Variants in RBFOX1 observed in about 807,000 individuals in gnomAD.
The protein encoded by RBFOX1 is RNA binding protein fox-1 homolog 1.
In RBFOX1, 8 loss-of-function variants were observed where a neutral mutation model predicts 57.7. The observed-to-expected ratio is 0.14, with a 90% CI of 0.08 to 0.25. The LOEUF (loss-of-function observed/expected upper bound fraction) is 0.25. Ranked by LOEUF, RBFOX1 falls within the 10% of genes least tolerant of loss-of-function variation. The pLI is 1.00. For missense variants in RBFOX1, 611 were observed against 548.5 expected (o/e 1.11, Z -1.14); for synonymous variants, 326 against 222.4 (o/e 1.47, Z -4.15).
chr16:5,474,872 A>C lies in RBFOX1; in HGVS notation c.258+7618A>C, dbSNP rs549903344. 1.4e-3 allele frequency among the ~76,000 whole-genome samples: 211 copies of C among 152,358 alleles called. 1 individual carries two copies. The highest frequency in any genetic ancestry group is 4.6e-3 in the African/African-American group (192 of 41,580). The stretch of plus-strand genomic sequence containing the variant: ...TCTGAGCCCATGCTATTTGACTCAC[A>C]AAGGCTATTTATTGACTAGCATTGG... On this transcript the variant is annotated intron_variant, in intron 2 of 2. Transcript: ENST00000585867.
At chr16:6,114,396 CAATG>C (rs1404045624) in intron 1 of RBFOX1, among the ~76,000 whole-genome samples, 4 of 152,174 alleles carry the variant, frequency 2.6e-5, no homozygotes, top group Admixed American at 6.5e-5. Flanking sequence ...AAATTGAAGA[CAATG>C]AGAAAATTCT....
intron 3 of RBFOX1, among the ~76,000 whole-genome samples, chr16:6,673,544 T>C (rs555131516): frequency 6.6e-6 from 1 of 152,256 alleles, no homozygotes; most frequent in East Asian, 1.9e-4. Context: ...GTGGAGGTTG[T>C]AGTGAGCCTA....
At chr16:6,877,072 TG>T (rs1435823351) in intron 3 of RBFOX1, among the ~76,000 whole-genome samples, 1 of 152,224 alleles carries the variant, frequency 6.6e-6, no homozygotes, top group Non-Finnish European at 1.5e-5. Flanking sequence ...GCTTCATAAC[TG>T]GCCATTTACT....
intron 2 of RBFOX1, among the ~76,000 whole-genome samples, chr16:5,502,025 C>CTATTATTATTAT (rs58333271): frequency 2.2e-4 from 33 of 150,278 alleles, no homozygotes; most frequent in African/African-American, 7.9e-4. Context: ...GCCCAGCTCA[C>CTATTATTATTAT]TATTATTATT....
intron 5 of RBFOX1, among the ~76,000 whole-genome samples, chr16:7,542,519 G>A (rs2083223904): frequency 6.6e-6 from 1 of 151,752 alleles, no homozygotes; most frequent in Non-Finnish European, 1.5e-5. Flanking sequence ...AAGACATGAA[G>A]GGCGAAGGAA....
At chr16:7,281,400 G>A (rs1333328984) in intron 4 of RBFOX1, among the ~76,000 whole-genome samples, 1 of 151,798 alleles carries the variant, frequency 6.6e-6, no homozygotes, top group Non-Finnish European at 1.5e-5. Flanking sequence ...AGAGCCAGGT[G>A]ACTTTGTGCA....
At chr16:7,550,951 G>A (rs751276108) in intron 5 of RBFOX1, among the ~76,000 whole-genome samples, 4 of 151,680 alleles carry the variant, frequency 2.6e-5, no homozygotes, top group African/African-American at 4.8e-5. Context: ...AAAATTAGCC[G>A]GGCATGGTGG....
intron 3 of RBFOX1, among the ~76,000 whole-genome samples, chr16:5,864,380 G>A (rs183004606): frequency 1.3e-5 from 2 of 151,058 alleles, no homozygotes; most frequent in Non-Finnish European, 3.0e-5. Context: ...TTCAGGAAAA[G>A]AGAAAGTTGC....
chr16:5,263,679 C>A (rs773396180), intron 1 of RBFOX1, among the ~76,000 whole-genome samples: 2 of 151,860 alleles, frequency 1.3e-5, no homozygotes, highest in Non-Finnish European at 2.9e-5. Context: ...ATGGGAAAGG[C>A]AGAGGAAGAG....
intron 3 of RBFOX1, among the ~76,000 whole-genome samples, chr16:5,816,279 C>T (rs1301863515): frequency 6.6e-6 from 1 of 152,152 alleles, no homozygotes; most frequent in South Asian, 2.1e-4. Context: ...AGCTCTCTTC[C>T]TCCCTCATCT....
intron 4 of RBFOX1, chr16:7,333,175 C>G: frequency 2.3e-6 from 3 of 1,288,432 alleles, no homozygotes; most frequent in South Asian, 1.2e-5. Flanking sequence ...AAAGCAAACA[C>G]TTTTAATACA....
intron 2 of RBFOX1, among the ~76,000 whole-genome samples, chr16:5,582,726 A>G (rs552822811): frequency 6.6e-6 from 1 of 152,044 alleles, no homozygotes; most frequent in African/African-American, 2.4e-5. Context: ...TCGGCTAATC[A>G]AAGCCCATCA....
At position 6,606,755 on chromosome 16, in the gene RBFOX1, C is replaced by T. The variant is rs540112416; in HGVS notation, c.-63-47848C>T. Among the ~76,000 whole-genome samples the T allele has an allele frequency of 5.9e-5, 9 of 152,276 alleles. No individual in the cohort carries two copies. In the East Asian group the frequency reaches 1.7e-3, roughly 29 times the overall value. On this transcript the variant is annotated intron_variant, in intron 2 of 15. Coordinates refer to ENST00000550418, the MANE Select transcript of RBFOX1 (RefSeq NM_018723.4). ...ACCACGTTTTCTTTATCTGGTCTATCATTGATGGGCATTTTGGTTGACTCC... is the reference window on the plus strand; with the variant it reads ...ACCACGTTTTCTTTATCTGGTCTATTATTGATGGGCATTTTGGTTGACTCC...
intron 6 of RBFOX1, among the ~76,000 whole-genome samples, chr16:7,583,386 A>T (rs1023611390): frequency 6.6e-6 from 1 of 152,166 alleles, no homozygotes; most frequent in Non-Finnish European, 1.5e-5. Context: ...ATGAGCATGC[A>T]TTTTCTTTAC....
intron 4 of RBFOX1, among the ~76,000 whole-genome samples, chr16:5,944,971 A>G (rs1256141425): frequency 1.5e-5 from 2 of 129,902 alleles, no homozygotes; most frequent in Non-Finnish European, 3.3e-5. Context: ...TCATAAAAAA[A>G]AAAAAAAAAA....
At chr16:5,969,878 T>C (rs2059929613) in intron 4 of RBFOX1, among the ~76,000 whole-genome samples, 2 of 152,048 alleles carry the variant, frequency 1.3e-5, no homozygotes, top group African/African-American at 2.4e-5. Context: ...CAACTCTGAC[T>C]GGTTAGTTGA....
At chr16:6,976,620 A>G (rs1194965706) in intron 3 of RBFOX1, among the ~76,000 whole-genome samples, 1 of 151,002 alleles carries the variant, frequency 6.6e-6, no homozygotes, top group Non-Finnish European at 1.5e-5. Context: ...CGAAAGTAAG[A>G]GGAAGAACGC....
At chr16:5,318,596 C>A (rs11076909) in intron 1 of RBFOX1, among the ~76,000 whole-genome samples, 7 of 129,924 alleles carry the variant, frequency 5.4e-5, no homozygotes, top group Non-Finnish European at 1.2e-4. Flanking sequence ...AAAAAACAAA[C>A]AAAAAAACAA....
chr16:6,944,602 G>C (rs1476273110), intron 3 of RBFOX1, among the ~76,000 whole-genome samples: 2 of 152,042 alleles, frequency 1.3e-5, no homozygotes, highest in African/African-American at 4.8e-5. Context: ...GTAGATCTCA[G>C]GTGGAATCTT....
Sources: allele counts gnomAD v4.1 joint callset (sites outside exome capture counted in the v4.1 genomes callset), GRCh38; gene constraint gnomAD v4.1.1; transcripts MANE v1.5; gene names NCBI Gene and HGNC (gene_info 2026-07-23, HGNC 2026-07-21).